SPMAP2L: variants seen among roughly 807,000 people sequenced by gnomAD.
The protein encoded by SPMAP2L is sperm microtubule associated protein 2 like, also known as sperm microtubule associated protein 2-like.
At chr4:56,591,170 T>C in the SPMAP2L span, among the ~76,000 whole-genome samples, 2 of 152,150 alleles carry the variant, frequency 1.3e-5, no homozygotes, top group African/African-American at 2.4e-5. Flanking sequence ...CCCTTGCTGT[T>C]CTTGTGATAG....
chr4:56,562,640 AT>A, the SPMAP2L span, among the ~76,000 whole-genome samples: 1 of 152,222 alleles, frequency 6.6e-6, no homozygotes, highest in East Asian at 1.9e-4. Flanking sequence ...TGTGCATCAC[AT>A]TTGCTTCATA....
the SPMAP2L span, among the ~76,000 whole-genome samples, chr4:56,583,189 G>A: frequency 4.6e-5 from 7 of 151,900 alleles, no homozygotes; most frequent in East Asian, 3.9e-4. Context: ...CAGGAGAATC[G>A]CTTGAACCCA....
chr4:56,567,909 T>C, the SPMAP2L span, among the ~76,000 whole-genome samples: 1 of 152,198 alleles, frequency 6.6e-6, no homozygotes, highest in East Asian at 1.9e-4. Flanking sequence ...TGGAAAACTT[T>C]CAGTTATTAT....
the SPMAP2L span, among the ~76,000 whole-genome samples, chr4:56,555,788 A>G: frequency 2.0e-5 from 3 of 151,946 alleles, 1 homozygote; most frequent in Admixed American, 2.0e-4. Context: ...AAATCAGTGG[A>G]CTTTTGTATA....
At chr4:56,559,381 C>T in the SPMAP2L span, 26 of 1,460,284 alleles carry the variant, frequency 1.8e-5, no homozygotes, top group East Asian at 1.1e-4. Flanking sequence ...TATCTGTATG[C>T]TTCTTAACAG....
At chr4:56,597,131 G>C in the SPMAP2L span, among the ~76,000 whole-genome samples, 1 of 152,168 alleles carries the variant, frequency 6.6e-6, no homozygotes, top group Admixed American at 6.5e-5. Context: ...TCTAAGGAAG[G>C]AATATTTGAG....
At chr4:56,584,561 C>G in the SPMAP2L span, 3 of 1,535,290 alleles carry the variant, frequency 2.0e-6, no homozygotes, top group Non-Finnish European at 2.6e-6. Context: ...CCGGATATTA[C>G]AACTCTCAGT....
the SPMAP2L span, among the ~76,000 whole-genome samples, chr4:56,600,127 T>G: frequency 1.0e-5 from 1 of 98,064 alleles, no homozygotes; most frequent in African/African-American, 3.7e-5. Context: ...TTTTTTTTTG[T>G]AGAGATGAGG....
chr4:56,596,566 C>T, the SPMAP2L span: 3 of 1,534,184 alleles, frequency 2.0e-6, no homozygotes, highest in Non-Finnish European at 2.6e-6. Flanking sequence ...AGAGCTTGCC[C>T]ACCCAAGGAT....
chr4:56,602,456 G>A, the SPMAP2L span, among the ~76,000 whole-genome samples: 1 of 152,154 alleles, frequency 6.6e-6, no homozygotes, highest in South Asian at 2.1e-4. Flanking sequence ...AGTTTGGGAG[G>A]CCAAAGCAGA....
At chr4:56,580,079 AT>A in the SPMAP2L span, among the ~76,000 whole-genome samples, 1 of 152,178 alleles carries the variant, frequency 6.6e-6, no homozygotes, top group African/African-American at 2.4e-5. Context: ...GAGGACTTGT[AT>A]TATCCTGATA....
the SPMAP2L span, among the ~76,000 whole-genome samples, chr4:56,550,737 GTCA>G: frequency 6.6e-6 from 1 of 152,070 alleles, no homozygotes; most frequent in Non-Finnish European, 1.5e-5. Context: ...TTAATTCGGG[GTCA>G]TCATGTAAGG....
At chr4:56,586,953 T>C in the SPMAP2L span, among the ~76,000 whole-genome samples, 8 of 152,182 alleles carry the variant, frequency 5.3e-5, no homozygotes, top group Non-Finnish European at 1.2e-4. Context: ...TTAGGTATCC[T>C]TGAGCATGGA....
chr4:56,532,494 A>G, the SPMAP2L span, among the ~76,000 whole-genome samples: 1 of 152,122 alleles, frequency 6.6e-6, no homozygotes, highest in Non-Finnish European at 1.5e-5. Context: ...CTAATTAATC[A>G]GTACCATCAT....
the SPMAP2L span, chr4:56,575,550 G>C: frequency 2.0e-5 from 31 of 1,535,296 alleles, no homozygotes; most frequent in Non-Finnish European, 2.6e-5. Flanking sequence ...TAATTTGGGA[G>C]ATCACTCCTC....
the SPMAP2L span, among the ~76,000 whole-genome samples, chr4:56,568,158 G>A: frequency 3.9e-3 from 590 of 152,070 alleles, 5 homozygotes; most frequent in South Asian, 0.023. Context: ...TTTATATTTT[G>A]TGTCTACTTA....
At chr4:56,573,175 TTTAAAA>T in the SPMAP2L span, among the ~76,000 whole-genome samples, 1 of 152,222 alleles carries the variant, frequency 6.6e-6, no homozygotes, top group Admixed American at 6.5e-5. Context: ...AAATATGAAA[TTTAAAA>T]TTAATATACA....
chr4:56,586,618 A>G, the SPMAP2L span, among the ~76,000 whole-genome samples: 1 of 152,188 alleles, frequency 6.6e-6, no homozygotes, highest in East Asian at 1.9e-4. Context: ...CTCAGTTGGG[A>G]ATATCTGTAG....
At chr4:56,620,752 G>A in the SPMAP2L span, among the ~76,000 whole-genome samples, 2 of 152,230 alleles carry the variant, frequency 1.3e-5, no homozygotes, top group Non-Finnish European at 2.9e-5. Flanking sequence ...GCATTCTGCT[G>A]TGGAAATAGT....
Sources: gnomAD v4.1 joint callset for allele counts (sites outside exome capture counted in the v4.1 genomes callset) on GRCh38, gnomAD v4.1.1 for gene constraint, MANE v1.5 for transcripts, NCBI Gene and HGNC (gene_info 2026-07-23, HGNC 2026-07-21) for gene names.